LOXHD1: variants seen among roughly 807,000 people sequenced by gnomAD.
LOXHD1 encodes the protein lipoxygenase homology domain-containing protein 1.
A neutral mutation model predicts 248.2 loss-of-function variants in LOXHD1; 205 were observed. The ratio of observed to expected loss-of-function variants is 0.83; its 90% CI spans 0.74 to 0.93. The LOEUF is 0.93. Ranked by LOEUF, LOXHD1 falls within the 40% of genes least tolerant of loss-of-function variation. The probability of loss-of-function intolerance (pLI) is 0.00; values close to 1 mark genes in which losing one functional copy is unlikely to be tolerated. For missense variants in LOXHD1, 2,930 were observed against 2,971.6 expected, an observed-to-expected ratio of 0.99 and a Z score of 0.33; for synonymous variants, 1,113 against 1,162.8, an observed-to-expected ratio of 0.96 and a Z score of 0.87.
intron 33 of LOXHD1, among the ~76,000 whole-genome samples, chr18:46,519,409 T>C (rs79921151): frequency 0.021 from 3,134 of 152,182 alleles, 102 homozygotes; most frequent in African/African-American, 0.071. Flanking sequence ...CTGGTGGGGG[T>C]TGCATGCTTT....
intron 28 of LOXHD1, 117 bp downstream of exon 28, chr18:46,533,045 G>A: frequency 3.6e-6 from 4 of 1,112,558 alleles, no homozygotes; most frequent in Non-Finnish European, 5.0e-6. Context: ...GAGAGTGGAG[G>A]TAACAACAGA....
At chr18:46,525,855 C>G (rs2035803530) in intron 29 of LOXHD1, among the ~76,000 whole-genome samples, 1 of 152,164 alleles carries the variant, frequency 6.6e-6, no homozygotes, top group Non-Finnish European at 1.5e-5. Flanking sequence ...CAGGACCCCA[C>G]AGTCCAGGAC....
intron 12 of LOXHD1, among the ~76,000 whole-genome samples, chr18:46,587,822 C>T (rs2038090611): frequency 6.6e-6 from 1 of 152,062 alleles, no homozygotes; most frequent in South Asian, 2.1e-4. Context: ...GAGGGACAGC[C>T]AAGGTGGAAA....
intron 15 of LOXHD1, among the ~76,000 whole-genome samples, chr18:46,569,988 C>G (rs182220189): frequency 6.6e-6 from 1 of 152,352 alleles, no homozygotes; most frequent in East Asian, 1.9e-4. Context: ...GCTTCTCTGA[C>G]AGTGGACAAG....
chr18:46,575,122 A>G (rs1281506764), intron 14 of LOXHD1, among the ~76,000 whole-genome samples: 1 of 152,214 alleles, frequency 6.6e-6, no homozygotes, highest in Non-Finnish European at 1.5e-5. Flanking sequence ...CTAGACCTCC[A>G]GAGTCCAACC....
intron 31 of LOXHD1, among the ~76,000 whole-genome samples, chr18:46,522,838 G>C (rs918303004): frequency 2.0e-5 from 3 of 152,156 alleles, no homozygotes; most frequent in African/African-American, 7.2e-5. Context: ...ACTTACTCAG[G>C]TAGTGTCCAT....
chr18:46,625,038 G>A (rs2038721053), intron 4 of LOXHD1, among the ~76,000 whole-genome samples: 1 of 152,030 alleles, frequency 6.6e-6, no homozygotes. Context: ...TTTTAGTAAT[G>A]AGGCAATGGA....
At chr18:46,632,395 G>T (rs1190441811) in intron 4 of LOXHD1, among the ~76,000 whole-genome samples, 1 of 152,090 alleles carries the variant, frequency 6.6e-6, no homozygotes, top group Admixed American at 6.5e-5. Flanking sequence ...TTATCCACAG[G>T]CTCAGCATCT....
At chr18:46,576,890 G>C (rs1197829826) in intron 14 of LOXHD1, among the ~76,000 whole-genome samples, 1 of 152,150 alleles carries the variant, frequency 6.6e-6, no homozygotes, top group African/African-American at 2.4e-5. Flanking sequence ...GTAAGAGGAA[G>C]AGCAACACAC....
intron 5 of LOXHD1, among the ~76,000 whole-genome samples, chr18:46,613,550 T>C (rs1380374456): frequency 2.6e-5 from 4 of 152,162 alleles, no homozygotes; most frequent in Non-Finnish European, 5.9e-5. Flanking sequence ...TTATTTATTT[T>C]ACTTGCCCTT....
intron 37 of LOXHD1, among the ~76,000 whole-genome samples, chr18:46,501,977 CCTTT>C (rs2034259726): frequency 6.6e-6 from 1 of 152,122 alleles, no homozygotes; most frequent in Non-Finnish European, 1.5e-5. Context: ...TTTCATCTCC[CCTTT>C]CTTTCTCCCT....
At position 46,540,654 on chromosome 18, in the gene LOXHD1, C is replaced by CTTTTTTTTT. The variant is rs60099172; in HGVS notation, c.3913+1113_3913+1121dup. Among the ~76,000 whole-genome samples the CTTTTTTTTT allele has an allele frequency of 9.1e-4, 83 of 91,400 alleles. 1 individual carries two copies. Among genetic ancestry groups the CTTTTTTTTT allele is most frequent in the East Asian group, 1.6e-3 (4 of 2,448 alleles). The allele number at this position is 91,400 out of a possible 152,430, so 60.0% of individuals were successfully genotyped here. On this transcript the variant is annotated intron_variant, in intron 25 of 40. Coordinates refer to ENST00000642948, the MANE Select transcript of LOXHD1 (RefSeq NM_001384474.1). ...AAGTCAAACCATACAAACTCTTTAT[C>CTTTTTTTTT]TTTTTTTTTTTTTTTTTTTTTTTGG...
chr18:46,604,533 T>A (rs1284882543), intron 6 of LOXHD1, among the ~76,000 whole-genome samples: 1 of 152,248 alleles, frequency 6.6e-6, no homozygotes, highest in East Asian at 1.9e-4. Context: ...CTTGTGAGAC[T>A]GGTTACAAGA....
intron 14 of LOXHD1, among the ~76,000 whole-genome samples, chr18:46,576,095 C>G (rs1051024814): frequency 1.3e-5 from 2 of 152,240 alleles, no homozygotes; most frequent in Admixed American, 6.5e-5. Flanking sequence ...CCACGCCACT[C>G]TTCACAGTGT....
At position 46,477,408 on chromosome 18, in the gene LOXHD1, C is replaced by T; in HGVS notation, c.*64G>A. The stretch of plus-strand genomic sequence containing the variant: ...AGAGGCTTTGAAGGGCTGCTGACCG[C>T]CAAGGTGGAGGGCAGAAATGTGAGA... On this transcript the variant is annotated 3_prime_UTR_variant, in exon 41 of 41. Coordinates refer to ENST00000642948, the MANE Select transcript of LOXHD1 (RefSeq NM_001384474.1). The T allele has an allele frequency of 5.2e-6, 8 of 1,527,344 alleles. No individual in the cohort carries two copies. The highest frequency in any genetic ancestry group is 7.1e-6 in the Non-Finnish European group (8 of 1,133,878). 94.6% of individuals were successfully genotyped at this position (1,527,344 alleles called of 1,614,324 possible). A position where few individuals can be genotyped will look rare whatever the true frequency, so the allele number is the denominator to read the frequency against.
chr18:46,656,982 G>A lies in LOXHD1; in HGVS notation c.52C>T (p.Leu18=), dbSNP rs1419695977. ...RRKKDIDFLA[L]YEAELLNYAS... The stretch of plus-strand genomic sequence containing the variant: ...TAGTTCAGCAGCTCCGCTTCGTACA[G>A]GGCCAGGAAGTCGATGTCCTTCTTC... The change falls in exon 1 of 41, where the codon CTG becomes TTG. Residue 18 remains leucine (L), a synonymous_variant. Transcript: ENST00000642948. 3.2e-6 allele frequency: 5 copies of A among 1,551,652 alleles called. No individual in the cohort carries two copies. Among genetic ancestry groups the A allele is most frequent in the Non-Finnish European group, 1.7e-6 (2 of 1,146,940 alleles).
intron 8 of LOXHD1, among the ~76,000 whole-genome samples, chr18:46,596,687 C>T (rs1055289003): frequency 1.1e-4 from 16 of 152,000 alleles, no homozygotes; most frequent in African/African-American, 3.6e-4. Context: ...ATAGTCAGAA[C>T]AAATAGTAAT....
At position 46,540,651 on chromosome 18, in the gene LOXHD1, T is replaced by C. The variant is rs570293527; in HGVS notation, c.3913+1125A>G. Among the ~76,000 whole-genome samples the C allele has an allele frequency of 3.4e-4, 47 of 137,108 alleles. No homozygotes were observed. In the Middle Eastern group the frequency reaches 0.011, roughly 32 times the overall value. 89.9% of individuals were successfully genotyped at this position (137,108 alleles called of 152,430 possible). A position where few individuals can be genotyped will look rare whatever the true frequency, so the allele number is the denominator to read the frequency against. ...TCAAAGTCAAACCATACAAACTCTT[T>C]ATCTTTTTTTTTTTTTTTTTTTTTT... On this transcript the variant is annotated intron_variant, in intron 25 of 40. Transcript: ENST00000642948.
chr18:46,608,566 C>A (rs2038457704), intron 6 of LOXHD1, among the ~76,000 whole-genome samples: 1 of 152,164 alleles, frequency 6.6e-6, no homozygotes, highest in South Asian at 2.1e-4. Flanking sequence ...TGGCTGAGGT[C>A]ATAAAATGCA....
Sources: gnomAD v4.1 joint callset for allele counts (sites outside exome capture counted in the v4.1 genomes callset) on GRCh38, gnomAD v4.1.1 for gene constraint, MANE v1.5 for transcripts, NCBI Gene and HGNC (gene_info 2026-07-23, HGNC 2026-07-21) for gene names.